Variants in PRR5 observed in about 807,000 individuals in gnomAD.
PRR5 encodes proline-rich protein 5.
In PRR5, 25 loss-of-function variants were observed where a neutral mutation model predicts 30.6. That is an observed-to-expected ratio of 0.82 (90% CI 0.60 to 1.14). The LOEUF is 1.14. Among genes scored for constraint, PRR5 ranks in the 50% most tolerant of loss-of-function variants. The probability of loss-of-function intolerance (pLI) is 0.00; values close to 1 mark genes in which losing one functional copy is unlikely to be tolerated. For synonymous variants in PRR5, 286 were observed against 247.1 expected (o/e 1.16, Z -1.48); for missense variants, 600 against 547.1 (o/e 1.10, Z -0.96).
intron 2 of PRR5, among the ~76,000 whole-genome samples, chr22:44,722,237 G>C (rs1442175231): frequency 6.6e-6 from 1 of 152,242 alleles, no homozygotes. Context: ...AGGCTCCAGG[G>C]CTGGAACCAC....
chr22:44,727,465 G>C (rs748644507), intron 4 of PRR5, among the ~76,000 whole-genome samples: 1 of 152,182 alleles, frequency 6.6e-6, no homozygotes, highest in African/African-American at 2.4e-5. Context: ...GCGTCCCTCC[G>C]TGCTGGACTG....
At chr22:44,710,165 G>A (rs916644233) in intron 1 of PRR5, among the ~76,000 whole-genome samples, 2 of 152,124 alleles carry the variant, frequency 1.3e-5, no homozygotes, top group Non-Finnish European at 2.9e-5. Flanking sequence ...CAGGGCCCCC[G>A]GATCAGCCCC....
intron 1 of PRR5, among the ~76,000 whole-genome samples, chr22:44,712,064 G>A (rs2147066349): frequency 6.6e-6 from 1 of 152,096 alleles, no homozygotes; most frequent in South Asian, 2.1e-4. Context: ...TCACAGGGGA[G>A]CGTCATCCCA....
chr22:44,681,382 G>A (rs1279930681), intron 1 of PRR5, among the ~76,000 whole-genome samples: 1 of 152,194 alleles, frequency 6.6e-6, no homozygotes, highest in Non-Finnish European at 1.5e-5. Context: ...GAGGTCAGCA[G>A]TTTGAGACCA....
chr22:44,714,783 C>A, intron 2 of PRR5, 112 bp downstream of exon 2: 1 of 1,357,920 alleles, frequency 7.4e-7, no homozygotes, highest in East Asian at 2.4e-5. Flanking sequence ...TGTGCTTCCT[C>A]CCCTAGAGGC....
chr22:44,686,907 C>G (rs533694466), intron 1 of PRR5, among the ~76,000 whole-genome samples: 3 of 152,206 alleles, frequency 2.0e-5, no homozygotes, highest in Non-Finnish European at 4.4e-5. Context: ...CTACCACACC[C>G]GGCAAATACG....
intron 1 of PRR5, among the ~76,000 whole-genome samples, chr22:44,686,299 A>G: frequency 6.6e-6 from 1 of 151,996 alleles, no homozygotes; most frequent in South Asian, 2.1e-4. Context: ...CCTGGCTTTC[A>G]CAACATCTTG....
Position 44,702,227 on chromosome 22 carries a change from T to C in PRR5, c.-248T>C, listed in dbSNP as rs188378431. 1.8e-6 allele frequency: 2 copies of C among 1,104,044 alleles called. No homozygotes were observed. Among genetic ancestry groups the C allele is most frequent in the Non-Finnish European group, 2.2e-6 (2 of 905,162 alleles). 68.4% of individuals were successfully genotyped at this position (1,104,044 alleles called of 1,614,324 possible). On this transcript the variant is annotated 5_prime_UTR_variant, in exon 1 of 8. Coordinates refer to ENST00000336985, the MANE Select transcript of PRR5 (RefSeq NM_181333.4). ...CCGGCCTCCGTTTGCGCCGGGTCTG[T>C]GCTGGCCGCGCGCCTGGCGCTCCAC...
chr22:44,717,540 C>T (rs1602045840), intron 2 of PRR5, among the ~76,000 whole-genome samples: 1 of 152,002 alleles, frequency 6.6e-6, no homozygotes, highest in African/African-American at 2.4e-5. Flanking sequence ...CAGCCCTCCT[C>T]ATTACCCTTT....
intron 1 of PRR5, among the ~76,000 whole-genome samples, chr22:44,693,469 T>G (rs1237208062): frequency 2.1e-5 from 3 of 143,540 alleles, no homozygotes; most frequent in African/African-American, 2.8e-5. Context: ...AAAAAAAAAG[T>G]GTCAGCAGAG....
intron 2 of PRR5, among the ~76,000 whole-genome samples, 194 bp downstream of exon 2, chr22:44,714,865 C>T (rs1928819129): frequency 6.6e-6 from 1 of 152,240 alleles, no homozygotes; most frequent in Admixed American, 6.5e-5. Context: ...CCCGAGCTGC[C>T]ATGTGGGCCA....
chr22:44,702,236 C>T lies in PRR5; in HGVS notation c.-239C>T. The T allele has an allele frequency of 8.9e-7, 1 of 1,121,030 alleles. No individual in the cohort carries two copies. 69.4% of individuals were successfully genotyped at this position (1,121,030 alleles called of 1,614,324 possible). A position where few individuals can be genotyped will look rare whatever the true frequency, so the allele number is the denominator to read the frequency against. On this transcript the variant is annotated 5_prime_UTR_variant, in exon 1 of 8. Coordinates refer to ENST00000336985, the MANE Select transcript of PRR5 (RefSeq NM_181333.4). ...GTTTGCGCCGGGTCTGTGCTGGCCG[C>T]GCGCCTGGCGCTCCACGCTGAGCCT...
chr22:44,696,342 C>T (rs1022049793), intron 1 of PRR5, among the ~76,000 whole-genome samples: 6 of 152,122 alleles, frequency 3.9e-5, no homozygotes, highest in Non-Finnish European at 8.8e-5. Context: ...CTCCTTATAC[C>T]ACAGAGGCAC....
chr22:44,717,189 CT>C (rs57193514), intron 2 of PRR5, among the ~76,000 whole-genome samples: 102 of 116,736 alleles, frequency 8.7e-4, no homozygotes, highest in South Asian at 3.8e-3. Context: ...CCCCCTTACC[CT>C]TTTTTTTTTT....
intron 1 of PRR5, among the ~76,000 whole-genome samples, chr22:44,695,923 CTTTTTTTTTTTT>C (rs79228617): frequency 5.5e-5 from 4 of 73,346 alleles, no homozygotes; most frequent in East Asian, 5.2e-4. Context: ...ATTCTGACAA[CTTTTTTTTTTTT>C]TTTTTTTTTT....
upstream of PRR5, among the ~76,000 whole-genome samples, chr22:44,675,221 GC>G (rs1486079493): frequency 6.6e-6 from 1 of 151,738 alleles, no homozygotes; most frequent in Non-Finnish European, 1.5e-5. Flanking sequence ...CTGCACTCCA[GC>G]CCAGGTGACA....
upstream of PRR5, among the ~76,000 whole-genome samples, chr22:44,673,540 C>T (rs1923543883): frequency 6.6e-6 from 1 of 152,170 alleles, no homozygotes; most frequent in Admixed American, 6.5e-5. Context: ...CCCAAGGTCA[C>T]CCACTGGTGA....
Position 44,735,116 on chromosome 22 carries a change from C to T in PRR5, c.645C>T (p.Tyr215=), listed in dbSNP as rs376756993. 1.6e-5 allele frequency: 26 copies of T among 1,612,736 alleles called. No homozygotes were observed. Among genetic ancestry groups the T allele is most frequent in the African/African-American group, 2.7e-5 (2 of 74,908 alleles). The change falls in exon 7 of 8, where the codon TAC becomes TAT. Residue 215 remains tyrosine, a synonymous_variant. Coordinates refer to ENST00000336985, the MANE Select transcript of PRR5 (RefSeq NM_181333.4). ...TGGTGTCGCCATACCTGGGCACCTA[C>T]GGCCTCCACTCCAGCGAGGGGCCCT... is the stretch of plus-strand genomic sequence containing the variant. The part of the protein sequence containing the change: ...QKVVSPYLGT[Y]GLHSSEGPFT...
intron 3 of PRR5, 37 bp from the exon 4 acceptor site, chr22:44,726,540 A>G: frequency 1.2e-6 from 2 of 1,613,670 alleles, no homozygotes; most frequent in Non-Finnish European, 1.7e-6. Flanking sequence ...CCGGGCATCC[A>G]CAAGGGCGGT....
Sources: allele counts gnomAD v4.1 joint callset (sites outside exome capture counted in the v4.1 genomes callset), GRCh38; gene constraint gnomAD v4.1.1; transcripts MANE v1.5; gene names NCBI Gene and HGNC (gene_info 2026-07-23, HGNC 2026-07-21).